The following LRRC37A2 variants were observed in gnomAD, a reference collection of about 807,000 sequenced individuals.
LRRC37A2 encodes leucine rich repeat containing 37 member A2.
Under a neutral mutation model 68.8 loss-of-function variants are expected in LRRC37A2, and 9 were observed. The ratio of observed to expected loss-of-function variants is 0.13; its 90% CI spans 0.08 to 0.23. The LOEUF (loss-of-function observed/expected upper bound fraction) is 0.23, where lower values mean the gene tolerates loss of function less well. LRRC37A2 is among the 10% of genes least tolerant of loss of function. The pLI, the probability that LRRC37A2 is intolerant of heterozygous loss-of-function variation, is 1.00. For missense variants in LRRC37A2, 168 were observed against 950.4 expected (o/e 0.18, Z 10.82); for synonymous variants, 63 against 367.6 (o/e 0.17, Z 9.48).
chr17:46,568,974 G>A, the LRRC37A2 span, among the ~76,000 whole-genome samples: 1 of 101,604 alleles, frequency 9.8e-6, no homozygotes, highest in Non-Finnish European at 1.9e-5. Context: ...ATGGAGTCTC[G>A]CCCTGTCGCC....
chr17:46,728,339 G>C, the LRRC37A2 span, among the ~76,000 whole-genome samples: 2 of 152,122 alleles, frequency 1.3e-5, no homozygotes, highest in Non-Finnish European at 2.9e-5. Context: ...TGTACTGAAT[G>C]GCCATGGTTT....
the LRRC37A2 span, among the ~76,000 whole-genome samples, chr17:46,795,870 C>CCT: frequency 2.6e-5 from 4 of 152,066 alleles, no homozygotes; most frequent in African/African-American, 9.7e-5. Context: ...TCTGTCTCTC[C>CCT]CTCTCTCTCT....
the LRRC37A2 span, among the ~76,000 whole-genome samples, chr17:46,992,196 T>TAATAAATAAATAAATAAATAAATAAATA: frequency 3.2e-4 from 10 of 31,724 alleles, no homozygotes; most frequent in Non-Finnish European, 7.9e-4. Context: ...ACCCCATCTC[T>TAATAAATAAATAAATAAATAAATAAATA]ACTAAATAAA....
chr17:47,028,338 G>A, the LRRC37A2 span: 69 of 1,506,170 alleles, frequency 4.6e-5, no homozygotes, highest in Admixed American at 1.0e-3. Context: ...GGCCTGGCAC[G>A]AAATGCAGTT....
the LRRC37A2 span, among the ~76,000 whole-genome samples, chr17:46,974,987 C>CTTTTTTTTTTTT: frequency 6.7e-5 from 8 of 119,062 alleles, no homozygotes; most frequent in Non-Finnish European, 1.2e-4. Context: ...TTACTATTTT[C>CTTTTTTTTTTTT]TTTTTTTTTT....
the LRRC37A2 span, among the ~76,000 whole-genome samples, chr17:46,728,683 A>ATAAT: frequency 6.6e-6 from 1 of 151,640 alleles, no homozygotes; most frequent in South Asian, 2.1e-4. Context: ...TAGTTTTATG[A>ATAAT]CTGTTATTTA....
chr17:46,731,217 G>A, the LRRC37A2 span, among the ~76,000 whole-genome samples: 1 of 152,056 alleles, frequency 6.6e-6, no homozygotes. Context: ...AACATGCTAA[G>A]CAAAAGGAGC....
rs2056707483 is a variant in LRRC37A2, at chr17:46,550,779, C to T, written c.4809+260C>T. On this transcript the variant is annotated intron_variant, in intron 11 of 14. Transcript: ENST00000576629. ...GACTATTTTAAGAAGTCGAAAATTT[C>T]TCCCACCCAAAACTATGTCAACAAT... 2.6e-5 allele frequency among the ~76,000 whole-genome samples: 2 copies of T among 77,464 alleles called. 1 individual carries two copies. Among genetic ancestry groups the T allele is most frequent in the African/African-American group, 7.8e-5 (2 of 25,530 alleles). The allele number at this position is 77,464 out of a possible 152,430, so 50.8% of individuals were successfully genotyped here. A position where few individuals can be genotyped will look rare whatever the true frequency, so the allele number is the denominator to read the frequency against.
chr17:46,755,830 A>G, the LRRC37A2 span: 1 of 1,611,806 alleles, frequency 6.2e-7, no homozygotes. Context: ...TTGAAAATGA[A>G]CTATTTGAAA....
At chr17:46,876,283 T>C in the LRRC37A2 span, 1 of 1,613,898 alleles carries the variant, frequency 6.2e-7, no homozygotes, top group Non-Finnish European at 8.5e-7. Flanking sequence ...GTAAGTGCCA[T>C]GGCGTATCAG....
At chr17:46,719,524 C>A in the LRRC37A2 span, among the ~76,000 whole-genome samples, 9 of 152,182 alleles carry the variant, frequency 5.9e-5, no homozygotes, top group African/African-American at 2.2e-4. The surrounding 1 kb of genome is among the most constrained non-coding windows in gnomAD (Gnocchi z 4.3). Flanking sequence ...ATAAACTCCT[C>A]AAAACTGCTG....
At chr17:47,011,574 T>TC in the LRRC37A2 span, among the ~76,000 whole-genome samples, 1 of 151,056 alleles carries the variant, frequency 6.6e-6, no homozygotes, top group African/African-American at 2.4e-5. Context: ...AAAGTTGTTT[T>TC]TTTTTTTTTA....
At chr17:46,476,680 T>C in the LRRC37A2 span, 1 of 598,232 alleles carries the variant, frequency 1.7e-6, no homozygotes, top group Non-Finnish European at 2.7e-6. Flanking sequence ...CGAGACTCTG[T>C]CTCAAAATAA....
At chr17:47,024,474 A>AGT in the LRRC37A2 span, among the ~76,000 whole-genome samples, 159 of 151,242 alleles carry the variant, frequency 1.1e-3, 2 homozygotes, top group South Asian at 9.6e-3. Flanking sequence ...GGTGTGCTTG[A>AGT]GTGTGTGTGT....
the LRRC37A2 span, among the ~76,000 whole-genome samples, chr17:46,997,562 A>G: frequency 1.3e-5 from 2 of 152,300 alleles, no homozygotes; most frequent in East Asian, 3.9e-4. Flanking sequence ...CCAACTATCC[A>G]CTTATAGGAA....
At chr17:46,819,248 C>T in the LRRC37A2 span, among the ~76,000 whole-genome samples, 2 of 152,178 alleles carry the variant, frequency 1.3e-5, no homozygotes, top group Non-Finnish European at 2.9e-5. The surrounding 1 kb of genome is among the most constrained non-coding windows in gnomAD (Gnocchi z 5.3). Flanking sequence ...TCGTCCTGGC[C>T]GCGGGAGGTC....
At chr17:46,857,628 A>T in the LRRC37A2 span, among the ~76,000 whole-genome samples, 1 of 152,106 alleles carries the variant, frequency 6.6e-6, no homozygotes, top group Admixed American at 6.6e-5. Context: ...GTTGGATCAG[A>T]TGGTTGATAT....
the LRRC37A2 span, among the ~76,000 whole-genome samples, chr17:46,946,947 G>A: frequency 1.3e-5 from 2 of 152,212 alleles, no homozygotes; most frequent in Non-Finnish European, 2.9e-5. Flanking sequence ...AGGGTGGAGA[G>A]CCCACCCAGC....
At chr17:46,861,778 G>A in the LRRC37A2 span, among the ~76,000 whole-genome samples, 1 of 152,220 alleles carries the variant, frequency 6.6e-6, no homozygotes, top group African/African-American at 2.4e-5. Flanking sequence ...CCAAGAGGCT[G>A]GTTTTAGGGC....
Sources: allele counts gnomAD v4.1 joint callset (sites outside exome capture counted in the v4.1 genomes callset), GRCh38; gene constraint gnomAD v4.1.1; non-coding constraint Gnocchi (gnomAD v3.1); transcripts MANE v1.5; gene names NCBI Gene and HGNC (gene_info 2026-07-23, HGNC 2026-07-21).